Variants in DNER observed in about 807,000 individuals in gnomAD.
DNER encodes delta/notch like EGF repeat containing.
Under a neutral mutation model 78.2 loss-of-function variants are expected in DNER, and 33 were observed. The observed-to-expected ratio is 0.42, with a 90% CI of 0.32 to 0.56. The LOEUF (loss-of-function observed/expected upper bound fraction) is 0.56. Among genes scored for constraint, DNER ranks in the 20% least tolerant of loss-of-function variants. The pLI is 0.11. For synonymous variants in DNER, 417 were observed against 384.8 expected, an observed-to-expected ratio of 1.08 and a Z score of -0.98; for missense variants, 918 against 975.3, an observed-to-expected ratio of 0.94 and a Z score of 0.78.
rs749171981 is a variant in DNER, at chr2:229,512,859, A to G, written c.1071T>C (p.Pro357=). ...CEEYDACQRK[P]CQNNASCIDA... ...CAATACAGCTCGCGTTGTTTTGGCAAGGTTTCCTCTGGCAAGCATCGTATT... is the reference window on the plus strand; with the variant it reads ...CAATACAGCTCGCGTTGTTTTGGCAGGGTTTCCTCTGGCAAGCATCGTATT... The change falls in exon 6 of 13, where the codon CCT becomes CCC. Residue 357 remains proline (P), a synonymous_variant. Coordinates refer to ENST00000341772, the MANE Select transcript of DNER (RefSeq NM_139072.4). 5.0e-6 allele frequency: 8 copies of G among 1,614,060 alleles called. No individual in the cohort carries two copies. The highest frequency in any genetic ancestry group is 6.8e-6 in the Non-Finnish European group (8 of 1,180,026).
At chr2:229,549,497 C>T (rs1194080411) in intron 4 of DNER, among the ~76,000 whole-genome samples, 1 of 152,142 alleles carries the variant, frequency 6.6e-6, no homozygotes, top group African/African-American at 2.4e-5. Flanking sequence ...CGGGGTGTCA[C>T]CATGTTGGCC....
intron 11 of DNER, among the ~76,000 whole-genome samples, chr2:229,387,505 AAG>A (rs201937567): frequency 1.1e-5 from 1 of 87,190 alleles, no homozygotes; most frequent in African/African-American, 3.9e-5. Flanking sequence ...GAAAGAAAGA[AAG>A]AGAGAAAGAA....
intron 1 of DNER, among the ~76,000 whole-genome samples, chr2:229,611,159 A>G (rs978239447): frequency 1.3e-5 from 2 of 152,268 alleles, no homozygotes; most frequent in Non-Finnish European, 2.9e-5. Flanking sequence ...TCCCAGCAGT[A>G]TGTAACTGCA....
At chr2:229,364,921 G>A (rs1692309905) in intron 12 of DNER, among the ~76,000 whole-genome samples, 1 of 135,610 alleles carries the variant, frequency 7.4e-6, no homozygotes, top group Non-Finnish European at 1.5e-5. Context: ...TGTCATCTCA[G>A]CTCACTGCAA....
intron 10 of DNER, among the ~76,000 whole-genome samples, chr2:229,402,223 GA>G (rs1431209942): frequency 2.0e-5 from 3 of 152,064 alleles, no homozygotes; most frequent in African/African-American, 7.2e-5. Flanking sequence ...AAAATGCATG[GA>G]TGAGCAAAAT....
chr2:229,474,793 C>A (rs909622559), intron 7 of DNER, among the ~76,000 whole-genome samples: 1 of 152,178 alleles, frequency 6.6e-6, no homozygotes, highest in Non-Finnish European at 1.5e-5. Flanking sequence ...TCACCTCCCA[C>A]CACCTTGCTC....
At chr2:229,662,190 G>C (rs2154216588) in intron 1 of DNER, among the ~76,000 whole-genome samples, 1 of 152,262 alleles carries the variant, frequency 6.6e-6, no homozygotes, top group Non-Finnish European at 1.5e-5. Context: ...AATGTCGTCA[G>C]GCGAACTGGG....
chr2:229,371,649 G>A (rs1189646314), intron 11 of DNER, among the ~76,000 whole-genome samples: 1 of 152,198 alleles, frequency 6.6e-6, no homozygotes, highest in Non-Finnish European at 1.5e-5. Flanking sequence ...GACAGTCAGT[G>A]GCCAAGCTGA....
intron 6 of DNER, among the ~76,000 whole-genome samples, chr2:229,484,660 C>G (rs1412818225): frequency 6.6e-6 from 1 of 152,072 alleles, no homozygotes; most frequent in Non-Finnish European, 1.5e-5. Flanking sequence ...ATTGTTATAC[C>G]TCTGAAGGTG....
At chr2:229,423,255 A>T (rs1693804022) in intron 8 of DNER, among the ~76,000 whole-genome samples, 1 of 152,020 alleles carries the variant, frequency 6.6e-6, no homozygotes, top group Non-Finnish European at 1.5e-5. Flanking sequence ...GTAGGCAAAA[A>T]CCCTGTTGAT....
chr2:229,529,256 A>G (rs942756862), intron 5 of DNER, among the ~76,000 whole-genome samples: 1 of 152,114 alleles, frequency 6.6e-6, no homozygotes, highest in African/African-American at 2.4e-5. Context: ...TAGAGGAGCG[A>G]GCTTCGGCTG....
At chr2:229,520,127 A>G (rs1696065654) in intron 5 of DNER, among the ~76,000 whole-genome samples, 1 of 152,232 alleles carries the variant, frequency 6.6e-6, no homozygotes, top group Non-Finnish European at 1.5e-5. Flanking sequence ...ATAGATGCTT[A>G]GGTGTTCACT....
intron 12 of DNER, among the ~76,000 whole-genome samples, chr2:229,365,627 G>A (rs1451246528): frequency 6.6e-6 from 1 of 152,152 alleles, no homozygotes; most frequent in African/African-American, 2.4e-5. Flanking sequence ...GTAGAGACAG[G>A]GTTTCACCAA....
chr2:229,410,887 AT>A (rs1269901343), intron 9 of DNER, among the ~76,000 whole-genome samples: 1 of 152,232 alleles, frequency 6.6e-6, no homozygotes, highest in Non-Finnish European at 1.5e-5. Flanking sequence ...TACACTTAAT[AT>A]TTACTTTAAG....
intron 10 of DNER, among the ~76,000 whole-genome samples, chr2:229,405,226 T>G (rs1693355004): frequency 6.6e-6 from 1 of 152,196 alleles, no homozygotes; most frequent in African/African-American, 2.4e-5. Flanking sequence ...AAATGATATT[T>G]TTGACCACTA....
chr2:229,468,324 T>A (rs1199161550), intron 7 of DNER, among the ~76,000 whole-genome samples: 2 of 152,232 alleles, frequency 1.3e-5, no homozygotes. Flanking sequence ...ACATTACAGT[T>A]TGGGGGGTCA....
At chr2:229,533,812 T>A (rs1347990522) in intron 5 of DNER, among the ~76,000 whole-genome samples, 1 of 152,194 alleles carries the variant, frequency 6.6e-6, no homozygotes, top group Non-Finnish European at 1.5e-5. Context: ...TCAAGCAAAA[T>A]AAGCAAGAGT....
chr2:229,414,455 C>T (rs111616887), intron 9 of DNER, among the ~76,000 whole-genome samples: 10,135 of 151,984 alleles, frequency 0.067, 1,076 homozygotes, highest in African/African-American at 0.23. Flanking sequence ...TTAGTAGAGA[C>T]GGGATTTCAC....
chr2:229,633,107 T>G (rs1193323527), intron 1 of DNER, among the ~76,000 whole-genome samples: 1 of 152,198 alleles, frequency 6.6e-6, no homozygotes, highest in East Asian at 1.9e-4. Context: ...AATCTTTAAT[T>G]TCATAAGAGA....
Sources: allele counts gnomAD v4.1 joint callset (sites outside exome capture counted in the v4.1 genomes callset), GRCh38; gene constraint gnomAD v4.1.1; transcripts MANE v1.5; gene names NCBI Gene and HGNC (gene_info 2026-07-23, HGNC 2026-07-21).